The following BUD13 variants were observed in gnomAD, a reference collection of about 807,000 sequenced individuals.
The protein encoded by BUD13 is BUD13 homolog.
In BUD13, 47 loss-of-function variants were observed where a neutral mutation model predicts 62.5. The observed-to-expected ratio is 0.75, with a 90% CI of 0.60 to 0.96. The LOEUF (loss-of-function observed/expected upper bound fraction) is 0.96. Ranked by LOEUF, BUD13 falls within the 40% of genes least tolerant of loss-of-function variation. The probability of loss-of-function intolerance (pLI) is 0.00; values close to 1 mark genes in which losing one functional copy is unlikely to be tolerated. For missense variants in BUD13, 821 were observed against 790.9 expected (o/e 1.04, Z -0.46); for synonymous variants, 293 against 280.1 (o/e 1.05, Z -0.46).
chr11:116,766,623 T>C (rs1343612393), intron 2 of BUD13, among the ~76,000 whole-genome samples: 1 of 152,254 alleles, frequency 6.6e-6, no homozygotes, highest in Non-Finnish European at 1.5e-5. Context: ...AAAGGATTGC[T>C]ATAAGGATTG....
chr11:116,771,581 C>T (rs77082266), intron 1 of BUD13, among the ~76,000 whole-genome samples: 2 of 152,176 alleles, frequency 1.3e-5, no homozygotes, highest in African/African-American at 4.8e-5. Context: ...TGAGATGAAA[C>T]ACCTTGCCCA....
intron 1 of BUD13, among the ~76,000 whole-genome samples, chr11:116,770,793 C>T (rs1195824780): frequency 1.3e-5 from 2 of 150,376 alleles, no homozygotes; most frequent in Non-Finnish European, 3.0e-5. Context: ...CGCGCCCGGC[C>T]CTAGTCTTTT....
chr11:116,758,425 A>T lies in BUD13; in HGVS notation c.1361-18T>A. ...AAATTCAGCTGCAAAGGAAAATTAT[A>T]CTCAAATATCAGGATCAAAATCAGA... On this transcript the variant is annotated intron_variant, in intron 6 of 9. Transcript: ENST00000260210. The T allele has an allele frequency of 6.2e-7, 1 of 1,613,202 alleles. No individual in the cohort carries two copies. Among genetic ancestry groups the T allele is most frequent in the East Asian group, 2.2e-5 (1 of 44,860 alleles).
chr11:116,757,598 C>A (rs1466481208), intron 8 of BUD13, among the ~76,000 whole-genome samples, 168 bp downstream of exon 8: 1 of 152,056 alleles, frequency 6.6e-6, no homozygotes, highest in African/African-American at 2.4e-5. Context: ...CTGCGCCTGG[C>A]CTGGAAAAAT....
At chr11:116,754,462 C>T (rs1434712744) in intron 9 of BUD13, among the ~76,000 whole-genome samples, 8 of 152,260 alleles carry the variant, frequency 5.3e-5, no homozygotes, top group African/African-American at 1.9e-4. Context: ...AATTAATGCA[C>T]TCCTAAATAA....
At chr11:116,759,845 T>C (rs770478606) in intron 5 of BUD13, among the ~76,000 whole-genome samples, 8 of 152,208 alleles carry the variant, frequency 5.3e-5, no homozygotes, top group Non-Finnish European at 1.0e-4. Flanking sequence ...CAGGCTGGTC[T>C]ACCCTGCCAG....
At chr11:116,749,210 T>A (rs1428484548) in intron 9 of BUD13, among the ~76,000 whole-genome samples, 1 of 152,136 alleles carries the variant, frequency 6.6e-6, no homozygotes, top group African/African-American at 2.4e-5. Context: ...TACACAAACA[T>A]TTATTGAATT....
intron 5 of BUD13, among the ~76,000 whole-genome samples, chr11:116,759,830 A>G (rs1281926940): frequency 6.6e-6 from 1 of 152,208 alleles, no homozygotes; most frequent in Non-Finnish European, 1.5e-5. Flanking sequence ...TTCCTGGGTA[A>G]AGAACAGGCT....
chr11:116,754,220 A>AT (rs1363269703), intron 9 of BUD13, among the ~76,000 whole-genome samples: 2 of 151,946 alleles, frequency 1.3e-5, no homozygotes, highest in African/African-American at 4.8e-5. Flanking sequence ...TAATTTTTGT[A>AT]TTTTTTTGTA....
chr11:116,749,935 A>G (rs138982943), intron 9 of BUD13, among the ~76,000 whole-genome samples: 1 of 152,328 alleles, frequency 6.6e-6, no homozygotes, highest in Non-Finnish European at 1.5e-5. Flanking sequence ...AGGAGGAGGC[A>G]AGTTAGAGAG....
chr11:116,757,902 T>G lies in BUD13; in HGVS notation c.1548A>C (p.Lys516Asn), dbSNP rs757110077. 2 of 1,614,174 alleles carry G rather than the reference T, an allele frequency of 1.2e-6. No homozygotes were observed. Residue 516 changes from lysine (K) to asparagine (N), a missense_variant, in exon 8 of 10, where the codon AAA (lysine) becomes AAC (asparagine). By Grantham distance (94) the Lys-to-Asn change is moderately conservative. Transcript: ENST00000260210. ...QQQQNVEDAM[K>N]EMQKPLARYI... ...AGCGGGCCAGAGGCTTTTGCATCTC[T>G]TTCATTGCATCCTCCACATTTTGTT...
At chr11:116,767,975 A>AAATAAT (rs57099961) in intron 2 of BUD13, among the ~76,000 whole-genome samples, 10,334 of 143,538 alleles carry the variant, frequency 0.072, 488 homozygotes, top group Admixed American at 0.14. Flanking sequence ...CCTGTCTCAA[A>AAATAAT]AATAATAATA....
At chr11:116,757,718 T>C (rs754350974) in intron 8 of BUD13, 48 bp downstream of exon 8, 1 of 1,549,368 alleles carries the variant, frequency 6.5e-7, no homozygotes, top group South Asian at 1.2e-5. Context: ...ATCCTAATGA[T>C]TCTCTCTTCA....
intron 8 of BUD13, 46 bp downstream of exon 8, chr11:116,757,718 TTC>T: frequency 6.5e-7 from 1 of 1,549,368 alleles, no homozygotes; most frequent in South Asian, 1.2e-5. Context: ...ATCCTAATGA[TTC>T]TCTCTTCACA....
chr11:116,757,673 G>C (rs1940353432), intron 8 of BUD13, 93 bp downstream of exon 8: 5 of 1,320,636 alleles, frequency 3.8e-6, no homozygotes, highest in Non-Finnish European at 5.2e-6. Context: ...TAAATTATTT[G>C]GGAAATCCTT....
chr11:116,761,500 T>G (rs1460906791), intron 4 of BUD13, among the ~76,000 whole-genome samples: 1 of 152,162 alleles, frequency 6.6e-6, no homozygotes, highest in Admixed American at 6.5e-5. Context: ...GAAACAACTT[T>G]TAAGACCAAC....
At chr11:116,756,888 T>C (rs888242991) in intron 9 of BUD13, among the ~76,000 whole-genome samples, 7 of 152,146 alleles carry the variant, frequency 4.6e-5, no homozygotes, top group Admixed American at 2.6e-4. Flanking sequence ...GTAACCAATG[T>C]CCAAAACAAA....
At chr11:116,764,745 A>G (rs1201220179) in intron 3 of BUD13, among the ~76,000 whole-genome samples, 1 of 152,242 alleles carries the variant, frequency 6.6e-6, no homozygotes, top group Non-Finnish European at 1.5e-5. Flanking sequence ...ATCATGGCAA[A>G]TAAGACTAGT....
intron 3 of BUD13, 71 bp downstream of exon 3, chr11:116,765,291 A>G: frequency 6.7e-7 from 1 of 1,483,896 alleles, no homozygotes; most frequent in Non-Finnish European, 9.3e-7. Flanking sequence ...TCCTCTAAAG[A>G]AAAGTATAGA....
Sources: gnomAD v4.1 joint callset for allele counts (sites outside exome capture counted in the v4.1 genomes callset) on GRCh38, gnomAD v4.1.1 for gene constraint, MANE v1.5 for transcripts, NCBI Gene and HGNC (gene_info 2026-07-23, HGNC 2026-07-21) for gene names.